Variants in HEATR4 observed in about 807,000 individuals in gnomAD.
The protein encoded by HEATR4 is HEAT repeat-containing protein 4.
A neutral mutation model predicts 108.8 loss-of-function variants in HEATR4; 95 were observed. The observed-to-expected ratio is 0.87, with a 90% CI of 0.74 to 1.04. The LOEUF is 1.04. Ranked by LOEUF, HEATR4 falls within the 50% of genes least tolerant of loss-of-function variation. HEATR4 has a pLI of 0.00. For missense variants in HEATR4, 1,152 were observed against 1,253.8 expected (o/e 0.92, Z 1.23); for synonymous variants, 443 against 459.4 (o/e 0.96, Z 0.46).
At chr14:73,595,854 T>C in the HEATR4 span, 5 of 514,030 alleles carry the variant, frequency 9.7e-6, no homozygotes, top group African/African-American at 7.7e-5. Flanking sequence ...AAGAGGCATA[T>C]GACACATATA....
At chr14:73,629,667 T>C in the HEATR4 span, among the ~76,000 whole-genome samples, 5 of 150,662 alleles carry the variant, frequency 3.3e-5, no homozygotes, top group Non-Finnish European at 7.4e-5. Flanking sequence ...TTTTTTGAGA[T>C]GGAGTCTCAC....
At position 73,535,494 on chromosome 14, in the gene HEATR4, T is replaced by C. The variant is rs1406872790; in HGVS notation, c.-151-5250A>G. ...CTTTTTTTTTTTTTTTTTTTTTTTT[T>C]TTTTTTTTTTTTTGCCCAGGCTGGA... On this transcript the variant is annotated intron_variant, in intron 1 of 17. Coordinates refer to ENST00000553558, the MANE Select transcript of HEATR4 (RefSeq NM_001220484.1). 2.9e-3 allele frequency among the ~76,000 whole-genome samples: 140 copies of C among 48,504 alleles called. 24 individuals carry two copies. Among genetic ancestry groups the C allele is most frequent in the African/African-American group, 0.011 (120 of 10,562 alleles). The allele number at this position is 48,504 out of a possible 152,430, so 31.8% of individuals were successfully genotyped here.
intron 1 of HEATR4, among the ~76,000 whole-genome samples, chr14:73,533,620 A>C (rs1888775681): frequency 8.7e-6 from 1 of 115,060 alleles, no homozygotes; most frequent in African/African-American, 2.8e-5. Context: ...CGGAGGTTTC[A>C]GTGAGCTGAG....
intron 7 of HEATR4, among the ~76,000 whole-genome samples, chr14:73,511,087 T>C (rs369049237): frequency 1.3e-5 from 2 of 152,188 alleles, no homozygotes; most frequent in African/African-American, 4.8e-5. Flanking sequence ...GAAGTTCAAA[T>C]TCTCAAGTAG....
the HEATR4 span, among the ~76,000 whole-genome samples, chr14:73,566,567 G>A: frequency 3.3e-5 from 5 of 152,200 alleles, no homozygotes; most frequent in Admixed American, 6.5e-5. Context: ...CTCCGCAGCC[G>A]CTGGCCCAGG....
chr14:73,595,522 G>A, the HEATR4 span: 44 of 1,612,828 alleles, frequency 2.7e-5, no homozygotes, highest in Non-Finnish European at 3.3e-5. Flanking sequence ...ACAGATTACT[G>A]AACAAACATG....
chr14:73,602,298 A>G, the HEATR4 span, among the ~76,000 whole-genome samples: 3 of 152,190 alleles, frequency 2.0e-5, no homozygotes, highest in Non-Finnish European at 4.4e-5. Flanking sequence ...CCAACCTAGC[A>G]TTCCACTGGA....
At chr14:73,602,070 A>T in the HEATR4 span, among the ~76,000 whole-genome samples, 1 of 151,988 alleles carries the variant, frequency 6.6e-6, no homozygotes, top group South Asian at 2.1e-4. Flanking sequence ...CCTCCTAAGT[A>T]GCTGGGACTA....
chr14:73,484,235 A>G (rs969298591), intron 17 of HEATR4, among the ~76,000 whole-genome samples: 3 of 152,040 alleles, frequency 2.0e-5, no homozygotes, highest in African/African-American at 7.2e-5. Flanking sequence ...ATGAGCAAGC[A>G]AAAGAGTTGG....
the HEATR4 span, chr14:73,595,181 A>G: frequency 6.2e-7 from 1 of 1,614,260 alleles, no homozygotes; most frequent in Non-Finnish European, 8.5e-7. Context: ...GAACACAGCC[A>G]TCAACTATAA....
chr14:73,585,292 C>A, the HEATR4 span, among the ~76,000 whole-genome samples: 1,542 of 152,250 alleles, frequency 0.01, 27 homozygotes, highest in African/African-American at 0.035. Context: ...AGGGCTGGTG[C>A]TCCACCCCCT....
the HEATR4 span, among the ~76,000 whole-genome samples, chr14:73,607,987 C>A: frequency 6.6e-6 from 1 of 151,724 alleles, no homozygotes; most frequent in East Asian, 1.9e-4. Flanking sequence ...TACAGTGGTG[C>A]AATCTTGACT....
the HEATR4 span, among the ~76,000 whole-genome samples, chr14:73,565,384 T>C: frequency 6.7e-6 from 1 of 149,560 alleles, no homozygotes; most frequent in African/African-American, 2.4e-5. Flanking sequence ...CCCTTTTTCT[T>C]TTCCTTTTTT....
chr14:73,493,101 G>T lies in HEATR4; in HGVS notation c.2809C>A (p.Pro937Thr), dbSNP rs764279758. 17 of 1,611,652 alleles carry T rather than the reference G, an allele frequency of 1.1e-5. No homozygotes were observed. Among genetic ancestry groups the T allele is most frequent in the Non-Finnish European group, 7.6e-6 (9 of 1,179,778 alleles). Residue 937 changes from proline to threonine, a missense_variant, in exon 17 of 18, where the codon CCT (proline) becomes ACT (threonine). Transcript: ENST00000553558. ...GCTTCAGTGTCACAAACCTCGGAAGGTCTTCTAGGAAGAACCATCTCATCT... is the reference window on the plus strand; with the variant it reads ...GCTTCAGTGTCACAAACCTCGGAAGTTCTTCTAGGAAGAACCATCTCATCT... Reference protein sequence around the residue: ...FQDEMVLPRRPSEVCDTEAVI... With the variant: ...FQDEMVLPRRTSEVCDTEAVI...
upstream of HEATR4, among the ~76,000 whole-genome samples, chr14:73,559,288 A>G (rs531241297): frequency 7.9e-5 from 12 of 151,516 alleles, no homozygotes; most frequent in East Asian, 2.4e-3. Flanking sequence ...TGCCCCACTA[A>G]TTGTACTTTT....
chr14:73,489,915 C>G (rs1346321226), intron 17 of HEATR4, among the ~76,000 whole-genome samples: 1 of 152,234 alleles, frequency 6.6e-6, no homozygotes, highest in Non-Finnish European at 1.5e-5. Context: ...TCAGTGAATT[C>G]ATCTGCAGAG....
At chr14:73,513,385 G>A (rs1887383517) in intron 6 of HEATR4, among the ~76,000 whole-genome samples, 1 of 151,902 alleles carries the variant, frequency 6.6e-6, no homozygotes, top group South Asian at 2.1e-4. Context: ...CTTGAACCTG[G>A]GAGGTAGAGG....
At chr14:73,629,686 C>T in the HEATR4 span, among the ~76,000 whole-genome samples, 5 of 151,676 alleles carry the variant, frequency 3.3e-5, no homozygotes, top group Non-Finnish European at 7.4e-5. Context: ...ACTCTGTTGC[C>T]CAGGCTGGAG....
intron 1 of HEATR4, chr14:73,537,954 C>A: frequency 9.7e-7 from 1 of 1,031,070 alleles, no homozygotes. Context: ...TGTGTGTGTC[C>A]CCTTCGCCCC....
Sources: gnomAD v4.1 joint callset for allele counts (sites outside exome capture counted in the v4.1 genomes callset) on GRCh38, gnomAD v4.1.1 for gene constraint, MANE v1.5 for transcripts, NCBI Gene and HGNC (gene_info 2026-07-23, HGNC 2026-07-21) for gene names.